RNF24: variants seen among roughly 807,000 people sequenced by gnomAD.
RNF24 encodes ring finger protein 24.
RNF24 carries 14 observed loss-of-function variants against 20.0 expected under a neutral mutation model. That is an observed-to-expected ratio of 0.70 (90% CI 0.46 to 1.10). RNF24 has a LOEUF of 1.10. Ranked by LOEUF, RNF24 falls within the 50% of genes least tolerant of loss-of-function variation. The pLI is 0.00. For synonymous variants in RNF24, 45 were observed against 61.1 expected (o/e 0.74, Z 1.23); for missense variants, 124 against 177.6 (o/e 0.70, Z 1.71).
intron 1 of RNF24, among the ~76,000 whole-genome samples, chr20:3,967,300 A>G (rs2091268256): frequency 6.6e-6 from 1 of 152,242 alleles, no homozygotes; most frequent in Non-Finnish European, 1.5e-5. Flanking sequence ...GAAATAGAAC[A>G]TACAGTACAC....
At position 3,956,287 on chromosome 20, in the gene RNF24, C is replaced by T. The variant is rs560796572; in HGVS notation, c.143+7588G>A. Among the ~76,000 whole-genome samples the T allele has an allele frequency of 4.0e-5, 6 of 150,608 alleles. 1 individual carries two copies. In the South Asian group the frequency reaches 1.3e-3, roughly 31 times the overall value. On this transcript the variant is annotated intron_variant, in intron 2 of 5. Transcript: ENST00000358395. Reference sequence around the variant, plus strand: ...TGTTTTTTTTTTTTTAATAAATGCCCTTTCTTGTGTCAGTTTTGATACACC... The same window carrying T: ...TGTTTTTTTTTTTTTAATAAATGCCTTTTCTTGTGTCAGTTTTGATACACC...
At chr20:3,956,608 C>T (rs1247547424) in intron 2 of RNF24, among the ~76,000 whole-genome samples, 2 of 151,848 alleles carry the variant, frequency 1.3e-5, no homozygotes, top group East Asian at 3.9e-4. Flanking sequence ...TCATTGATAT[C>T]GTGCTTAGCT....
chr20:3,975,650 AAGATGTAATTAATTC>A (rs1331529367), intron 1 of RNF24, among the ~76,000 whole-genome samples: 13 of 152,210 alleles, frequency 8.5e-5, no homozygotes, highest in Non-Finnish European at 1.8e-4. Context: ...AGGTTTGTTG[AAGATGTAATTAATTC>A]AGATGTAATT....
Position 4,010,048 on chromosome 20 carries a change from CACAAACAAACAAACAAACAAACAA to C in RNF24, c.-8+5365_-8+5388del, listed in dbSNP as rs11468648. Among the ~76,000 whole-genome samples the C allele has an allele frequency of 1.7e-4, 25 of 147,464 alleles. No individual in the cohort carries two copies. In the East Asian group the frequency reaches 3.6e-3, roughly 21 times the overall value. On this transcript the variant is annotated intron_variant, in intron 1 of 5. Transcript: ENST00000358395. ...CCTGGGTGAAAGAGTGAGACCCTGT[CACAAACAAACAAACAAACAAACAA>C]ACAAACAAACAAACAAACAAGGCCA...
intron 4 of RNF24, among the ~76,000 whole-genome samples, chr20:3,941,239 T>A (rs1326839943): frequency 2.6e-5 from 4 of 152,180 alleles, no homozygotes; most frequent in African/African-American, 9.7e-5. Context: ...CCCAGGCTGG[T>A]CTCGATCTTC....
chr20:3,962,002 A>T (rs1364023283), intron 2 of RNF24, among the ~76,000 whole-genome samples: 1 of 152,186 alleles, frequency 6.6e-6, no homozygotes, highest in East Asian at 1.9e-4. Context: ...AACACACAAA[A>T]CCTTGTCTTT....
In RNF24 at chr20:3,933,500, G is replaced by A. The variant is rs1327115649; in HGVS notation, c.*563C>T. On this transcript the variant is annotated 3_prime_UTR_variant, in exon 6 of 6. Transcript: ENST00000358395. ...TTGATAGCAGGTGTTGTAATCCTGA[G>A]GGGGAAATGGGTGACGAGGAACACT... is the stretch of plus-strand genomic sequence containing the variant. 2 of 250,602 alleles carry A rather than the reference G, an allele frequency of 8.0e-6. No homozygotes were observed. The highest frequency in any genetic ancestry group is 4.4e-5 in the African/African-American group (2 of 45,008). The allele number at this position is 250,602 out of a possible 1,614,324, so 15.5% of individuals were successfully genotyped here.
intron 2 of RNF24, among the ~76,000 whole-genome samples, chr20:3,961,838 C>A (rs896400563): frequency 1.3e-5 from 2 of 151,370 alleles, no homozygotes; most frequent in African/African-American, 4.9e-5. Context: ...GAAAAAAAAA[C>A]CATATTTTTA....
In RNF24 at chr20:3,931,797, TGCAGA is replaced by T. The variant is rs2146930750; in HGVS notation, c.*2261_*2265del. ...ACCCAAGGTGGTGCTGAGTGCAGAG[TGCAGA>T]GCATTCTTGTGCTCTCCTCTCATGG... is the stretch of plus-strand genomic sequence containing the variant. On this transcript the variant is annotated 3_prime_UTR_variant, in exon 6 of 6. Transcript: ENST00000358395. 1 of 152,356 alleles carries T rather than the reference TGCAGA, an allele frequency of 6.6e-6. No individual in the cohort carries two copies. Among genetic ancestry groups the T allele is most frequent in the South Asian group, 2.1e-4 (1 of 4,830 alleles). The allele number at this position is 152,356 out of a possible 1,614,324, so 9.4% of individuals were successfully genotyped here.
chr20:4,004,365 A>G (rs971168925), intron 1 of RNF24, among the ~76,000 whole-genome samples: 1 of 152,206 alleles, frequency 6.6e-6, no homozygotes, highest in Non-Finnish European at 1.5e-5. Context: ...TGTGTGAGAC[A>G]GTAGTCAAAG....
At chr20:4,007,299 T>C (rs1981948573) in intron 1 of RNF24, among the ~76,000 whole-genome samples, 1 of 152,218 alleles carries the variant, frequency 6.6e-6, no homozygotes, top group Non-Finnish European at 1.5e-5. Flanking sequence ...GGGTTAGAAG[T>C]ACCTGACTCT....
chr20:3,945,132 G>T (rs542352386), intron 4 of RNF24, 45 bp downstream of exon 4: 1 of 1,588,900 alleles, frequency 6.3e-7, no homozygotes, highest in South Asian at 1.1e-5. Context: ...GCATACCACT[G>T]CTACTAGAAA....
chr20:3,986,514 C>T (rs1022619182), intron 1 of RNF24, among the ~76,000 whole-genome samples: 2 of 152,122 alleles, frequency 1.3e-5, no homozygotes, highest in African/African-American at 2.4e-5. Context: ...GCCTTGGCCT[C>T]CCAAAGTGTT....
chr20:3,995,268 G>T (rs1428216505), intron 1 of RNF24, among the ~76,000 whole-genome samples: 2 of 152,102 alleles, frequency 1.3e-5, no homozygotes, highest in Non-Finnish European at 1.5e-5. Context: ...TCTCTGGTGT[G>T]AGGCTGGCAT....
intron 1 of RNF24, among the ~76,000 whole-genome samples, chr20:3,995,329 G>A (rs545722797): frequency 1.3e-5 from 2 of 152,086 alleles, no homozygotes; most frequent in Non-Finnish European, 2.9e-5. Flanking sequence ...GGCCACTCTG[G>A]GTTAGATCTA....
chr20:3,939,194 A>AAAC (rs1344951857), intron 4 of RNF24, among the ~76,000 whole-genome samples: 1 of 152,110 alleles, frequency 6.6e-6, no homozygotes, highest in Non-Finnish European at 1.5e-5. Context: ...GAGTCTTGCT[A>AAAC]TGTTGCCCAG....
At chr20:3,978,235 GC>G (rs1208780415) in intron 1 of RNF24, among the ~76,000 whole-genome samples, 1 of 151,750 alleles carries the variant, frequency 6.6e-6, no homozygotes, top group Non-Finnish European at 1.5e-5. Context: ...ACGGGGTTTC[GC>G]CCTGTTGGCC....
rs1600663108 is a variant in RNF24, at chr20:3,964,033, G to A, written c.-7-9C>T. The stretch of plus-strand genomic sequence containing the variant: ...CCGAGCTCATGGATGAACTGTGGGG[G>A]AAGAAAAGAATGGAAAAAAAATAGG... On this transcript the variant is annotated splice_polypyrimidine_tract_variant and intron_variant, in intron 1 of 5. Transcript: ENST00000358395. The A allele has an allele frequency of 6.2e-7, 1 of 1,608,170 alleles. No homozygotes were observed. The highest frequency in any genetic ancestry group is 1.7e-5 in the Admixed American group (1 of 58,580).
intron 1 of RNF24, among the ~76,000 whole-genome samples, chr20:4,008,856 A>G (rs918789040): frequency 6.6e-6 from 1 of 151,950 alleles, no homozygotes; most frequent in Non-Finnish European, 1.5e-5. Context: ...AAGACTGCCA[A>G]TATTAAGTCA....
Sources: allele counts gnomAD v4.1 joint callset (sites outside exome capture counted in the v4.1 genomes callset), GRCh38; gene constraint gnomAD v4.1.1; transcripts MANE v1.5; gene names NCBI Gene and HGNC (gene_info 2026-07-23, HGNC 2026-07-21).